Variants in ZC3H3 observed in about 807,000 individuals in gnomAD.
The protein encoded by ZC3H3 is zinc finger CCCH-type containing 3.
In ZC3H3, 36 loss-of-function variants were observed where a neutral mutation model predicts 77.3. The ratio of observed to expected loss-of-function variants is 0.47; its 90% confidence interval spans 0.36 to 0.61. The LOEUF (loss-of-function observed/expected upper bound fraction) is 0.61, where lower values mean the gene tolerates loss of function less well. Among genes scored for constraint, ZC3H3 ranks in the 20% least tolerant of loss-of-function variants. The pLI is 0.00. For missense variants in ZC3H3, 1,331 were observed against 1,312.2 expected, an observed-to-expected ratio of 1.01 and a Z score of -0.22; for synonymous variants, 626 against 555.2, an observed-to-expected ratio of 1.13 and a Z score of -1.79.
intron 3 of ZC3H3, among the ~76,000 whole-genome samples, chr8:143,531,943 A>G (rs970652171): frequency 1.3e-5 from 2 of 152,282 alleles, no homozygotes; most frequent in African/African-American, 4.8e-5. Context: ...AGCCATCACA[A>G]TGAATAAAGC....
intron 9 of ZC3H3, among the ~76,000 whole-genome samples, chr8:143,455,958 G>A (rs1257509267): frequency 2.5e-5 from 3 of 118,636 alleles, no homozygotes; most frequent in African/African-American, 3.3e-5. Flanking sequence ...CAGTCTGGGC[G>A]ACAGAGTGAG....
intron 8 of ZC3H3, 49 bp downstream of exon 8, chr8:143,468,160 G>A (rs1268557149): frequency 6.3e-7 from 1 of 1,583,554 alleles, no homozygotes; most frequent in African/African-American, 1.3e-5. Context: ...AGGTGGCTGA[G>A]GCCCCGGAGA....
chr8:143,468,593 C>CA, intron 6 of ZC3H3, 24 bp downstream of exon 6: 1 of 1,578,622 alleles, frequency 6.3e-7, no homozygotes, highest in South Asian at 1.2e-5. Context: ...GGAGCCCACC[C>CA]ACTGCCCAGC....
At chr8:143,470,370 G>T (rs947536964) in intron 5 of ZC3H3, among the ~76,000 whole-genome samples, 1 of 152,230 alleles carries the variant, frequency 6.6e-6, no homozygotes, top group East Asian at 1.9e-4. Flanking sequence ...TGAGGCGTGT[G>T]GGGGGCCAGG....
chr8:143,472,565 TG>T (rs1820599736), intron 5 of ZC3H3, among the ~76,000 whole-genome samples: 1 of 152,072 alleles, frequency 6.6e-6, no homozygotes, highest in Non-Finnish European at 1.5e-5. Context: ...GCCATCCGGG[TG>T]GTGGGCACCG....
At chr8:143,439,329 A>ATCT (rs981999559) in intron 11 of ZC3H3, among the ~76,000 whole-genome samples, 1 of 152,190 alleles carries the variant, frequency 6.6e-6, no homozygotes, top group Non-Finnish European at 1.5e-5. Flanking sequence ...TGCAGCAAGC[A>ATCT]TCTTCCATTA....
chr8:143,525,489 G>A (rs1449290503), intron 3 of ZC3H3, among the ~76,000 whole-genome samples: 2 of 152,210 alleles, frequency 1.3e-5, no homozygotes, highest in Non-Finnish European at 2.9e-5. Flanking sequence ...AGCCACCCAA[G>A]GGACCCCACA....
At chr8:143,516,550 CACACACACACACACACA>C (rs1563873680) in intron 3 of ZC3H3, among the ~76,000 whole-genome samples, 1 of 141,550 alleles carries the variant, frequency 7.1e-6, no homozygotes, top group African/African-American at 2.8e-5. Flanking sequence ...CACACACACA[CACACACACACACACACA>C]TACACACACA....
intron 5 of ZC3H3, among the ~76,000 whole-genome samples, chr8:143,471,469 G>A (rs930884462): frequency 8.5e-5 from 13 of 152,244 alleles, no homozygotes; most frequent in African/African-American, 3.1e-4. Flanking sequence ...CAGGTGGCTG[G>A]GGGCTTTGGG....
At position 143,462,232 on chromosome 8, in the gene ZC3H3, A is replaced by C. The variant is rs1360410415; in HGVS notation, c.2307+3485T>G. 7.9e-5 allele frequency among the ~76,000 whole-genome samples: 12 copies of C among 152,154 alleles called. 1 individual carries two copies. Among genetic ancestry groups the C allele is most frequent in the Admixed American group, 7.9e-4 (12 of 15,276 alleles). On this transcript the variant is annotated intron_variant, in intron 9 of 11. Transcript: ENST00000262577. The surrounding 1 kb of genome is among the most constrained non-coding windows in gnomAD (Gnocchi z 4.7). ...GGCAGTGCCGTTATCCCGACTGTAT[A>C]TAAAAGGAGACTGAGGCCAGAGGAG... is the stretch of plus-strand genomic sequence containing the variant.
At position 143,538,540 on chromosome 8, in the gene ZC3H3, G is replaced by C; in HGVS notation, c.827C>G (p.Ser276Cys). 1 of 1,611,882 alleles carries C rather than the reference G, an allele frequency of 6.2e-7. No individual in the cohort carries two copies. The highest frequency in any genetic ancestry group is 8.5e-7 in the Non-Finnish European group (1 of 1,180,004). ...TCTGGCGGGGCCCCCCACTGAGCCAGACGGAACTGGCTGATCTGTGTGGCC... is the reference window on the plus strand; with the variant it reads ...TCTGGCGGGGCCCCCCACTGAGCCACACGGAACTGGCTGATCTGTGTGGCC... ...DAGHTDQPVP[S>C]GSVGGPARPA... Residue 276 changes from serine (S) to cysteine (C), a missense_variant, in exon 2 of 12, where the codon TCT becomes TGT. By Grantham distance (112) the Ser-to-Cys change is moderately radical. Around this residue, in one of 3 missense-constraint regions of ZC3H3, gnomAD observed 978 missense variants for 915.5 expected, o/e 1.07. Transcript: ENST00000262577.
intron 3 of ZC3H3, among the ~76,000 whole-genome samples, chr8:143,523,157 A>G (rs2130471994): frequency 6.6e-6 from 1 of 152,198 alleles, no homozygotes; most frequent in East Asian, 1.9e-4. Context: ...TCCTGCTTTC[A>G]GCAGTGCTGG....
intron 3 of ZC3H3, among the ~76,000 whole-genome samples, chr8:143,531,741 A>G (rs1256172684): frequency 6.6e-6 from 1 of 152,170 alleles, no homozygotes; most frequent in African/African-American, 2.4e-5. Flanking sequence ...CTTTTCCTGA[A>G]CTGGCGATGG....
intron 2 of ZC3H3, among the ~76,000 whole-genome samples, chr8:143,536,742 G>A (rs992350325): frequency 3.3e-5 from 5 of 151,994 alleles, no homozygotes; most frequent in East Asian, 3.9e-4. Context: ...GTCCCCACCC[G>A]CATGTCCACC....
intron 3 of ZC3H3, among the ~76,000 whole-genome samples, chr8:143,528,989 G>A (rs1437060350): frequency 1.3e-5 from 2 of 152,252 alleles, no homozygotes; most frequent in African/African-American, 4.8e-5. Flanking sequence ...CAGGAGGAAG[G>A]AATGCCCATG....
chr8:143,492,598 G>A (rs1037104861), intron 4 of ZC3H3, among the ~76,000 whole-genome samples: 7 of 151,998 alleles, frequency 4.6e-5, no homozygotes, highest in Admixed American at 4.6e-4. Context: ...GGCCCGGGGA[G>A]GGCCTCACCT....
At chr8:143,506,302 C>T (rs1316296912) in intron 4 of ZC3H3, among the ~76,000 whole-genome samples, 1 of 152,212 alleles carries the variant, frequency 6.6e-6, no homozygotes, top group Non-Finnish European at 1.5e-5. Flanking sequence ...TGACGACGAC[C>T]ACAGGACGGG....
chr8:143,511,367 C>A (rs895618806), intron 3 of ZC3H3, among the ~76,000 whole-genome samples: 16 of 152,310 alleles, frequency 1.1e-4, no homozygotes, highest in African/African-American at 3.6e-4. Context: ...TTATGTGGAG[C>A]AGGAGTGAGG....
intron 4 of ZC3H3, among the ~76,000 whole-genome samples, chr8:143,502,705 T>C (rs1206847127): frequency 6.6e-6 from 1 of 152,216 alleles, no homozygotes; most frequent in Non-Finnish European, 1.5e-5. Context: ...ACATTTCAGC[T>C]TCAGTTCAGA....
Sources: allele counts gnomAD v4.1 joint callset (sites outside exome capture counted in the v4.1 genomes callset), GRCh38; gene constraint gnomAD v4.1.1; regional missense constraint gnomAD v4.1.1; non-coding constraint Gnocchi (gnomAD v3.1); transcripts MANE v1.5; gene names NCBI Gene and HGNC (gene_info 2026-07-23, HGNC 2026-07-21).